Variants in AACS observed in about 807,000 individuals in gnomAD.
AACS encodes acetoacetyl-CoA synthetase.
A neutral mutation model predicts 83.1 loss-of-function variants in AACS; 69 were observed. The ratio of observed to expected loss-of-function variants is 0.83; its 90% CI spans 0.68 to 1.01. The LOEUF is 1.01. AACS is among the 50% of genes least tolerant of loss of function. The pLI is 0.00. For missense variants in AACS, 866 were observed against 882.2 expected (o/e 0.98, Z 0.23); for synonymous variants, 333 against 343.4 (o/e 0.97, Z 0.33).
intron 3 of AACS, among the ~76,000 whole-genome samples, chr12:125,085,831 T>G (rs909603240): frequency 1.3e-5 from 2 of 152,232 alleles, no homozygotes; most frequent in Non-Finnish European, 2.9e-5. Flanking sequence ...ATTTATTTAT[T>G]TTGAGACAGG....
chr12:125,103,987 C>CAAAAAAAAAAAAAAAACAAAAAAAAA (rs1956777052), intron 7 of AACS, among the ~76,000 whole-genome samples: 1 of 41,182 alleles, frequency 2.4e-5, no homozygotes, highest in East Asian at 7.8e-4. Context: ...AACTCCGTCT[C>CAAAAAAAAAAAAAAAACAAAAAAAAA]AAAAAAAAAA....
rs976834426 is a variant in AACS, at chr12:125,129,041, C to T, written c.1424-294C>T. 7.9e-6 allele frequency: 2 copies of T among 252,394 alleles called. No individual in the cohort carries two copies. The highest frequency in any genetic ancestry group is 1.5e-5 in the Non-Finnish European group (2 of 131,984). 15.6% of individuals were successfully genotyped at this position (252,394 alleles called of 1,614,324 possible). A position where few individuals can be genotyped will look rare whatever the true frequency, so the allele number is the denominator to read the frequency against. On this transcript the variant is annotated intron_variant, in intron 13 of 17. Transcript: ENST00000316519. The surrounding 1 kb of genome is among the most constrained non-coding windows in gnomAD (Gnocchi z 4.3). ...ATGTGTTCAAAGGCATGCAGAGTGACGACATATGCTATTCAAGGATGCGTG... is the reference window on the plus strand; with the variant it reads ...ATGTGTTCAAAGGCATGCAGAGTGATGACATATGCTATTCAAGGATGCGTG...
Position 125,065,435 on chromosome 12 carries a change from A to G in AACS, c.-150A>G, listed in dbSNP as rs889430054. 4 of 761,126 alleles carry G rather than the reference A, an allele frequency of 5.3e-6. No homozygotes were observed. The highest frequency in any genetic ancestry group is 5.5e-6 in the Non-Finnish European group (3 of 541,338). The allele number at this position is 761,126 out of a possible 1,614,324, so 47.1% of individuals were successfully genotyped here. On this transcript the variant is annotated 5_prime_UTR_variant, in exon 1 of 18. Transcript: ENST00000316519. Reference sequence around the variant, plus strand: ...CCGCAGGAGGCGGCGGCGGCCGTTCAGTCCCTTGTTCCCCGCCGCCGCCGT... The same window carrying G: ...CCGCAGGAGGCGGCGGCGGCCGTTCGGTCCCTTGTTCCCCGCCGCCGCCGT...
rs958143936 is a variant in AACS, at chr12:125,065,474, C to T, written c.-111C>T. The T allele has an allele frequency of 8.2e-7, 1 of 1,214,746 alleles. No homozygotes were observed. The allele number at this position is 1,214,746 out of a possible 1,614,324, so 75.2% of individuals were successfully genotyped here. A position where few individuals can be genotyped will look rare whatever the true frequency, so the allele number is the denominator to read the frequency against. ...CGCCGCCGCCGTCGCTGACCCAGCC[C>T]GCCAGGCGCTCCTGACCGTCGCTTC... On this transcript the variant is annotated 5_prime_UTR_variant, in exon 1 of 18. Transcript: ENST00000316519.
At chr12:125,103,464 T>C (rs926842656) in intron 7 of AACS, among the ~76,000 whole-genome samples, 89 of 142,362 alleles carry the variant, frequency 6.3e-4, no homozygotes, top group African/African-American at 2.3e-3. Flanking sequence ...AAGGCACACA[T>C]ATCTACACGT....
chr12:125,084,871 C>T (rs1338376118), intron 3 of AACS, among the ~76,000 whole-genome samples: 29 of 152,192 alleles, frequency 1.9e-4, no homozygotes, highest in Non-Finnish European at 5.9e-5. Context: ...CATGAGCCAC[C>T]CTGCCTAGCC....
At chr12:125,086,818 A>G (rs118104778) in intron 4 of AACS, among the ~76,000 whole-genome samples, 22,059 of 150,680 alleles carry the variant, frequency 0.15, 1,648 homozygotes, top group South Asian at 0.19. Context: ...GGCCCATTCA[A>G]TATGGGCTTG....
intron 1 of AACS, among the ~76,000 whole-genome samples, chr12:125,066,701 G>A (rs1429241325): frequency 6.6e-6 from 1 of 151,978 alleles, no homozygotes; most frequent in Non-Finnish European, 1.5e-5. Flanking sequence ...CGATCGCCTT[G>A]GCCTCCCAAA....
At chr12:125,079,475 A>G (rs569715294) in intron 3 of AACS, among the ~76,000 whole-genome samples, 24 of 152,122 alleles carry the variant, frequency 1.6e-4, no homozygotes, top group African/African-American at 5.1e-4. Flanking sequence ...TCGACTTCCC[A>G]GGCTCAAGCG....
At chr12:125,110,945 T>C (rs1347468403) in intron 8 of AACS, among the ~76,000 whole-genome samples, 2 of 152,156 alleles carry the variant, frequency 1.3e-5, no homozygotes, top group African/African-American at 4.8e-5. Context: ...TAGATCTAGA[T>C]TCACTGAAGG....
At chr12:125,066,455 T>TTC (rs1476329574) in intron 1 of AACS, among the ~76,000 whole-genome samples, 1 of 146,744 alleles carries the variant, frequency 6.8e-6, no homozygotes, top group Non-Finnish European at 1.5e-5. Flanking sequence ...AGGGGATTTT[T>TTC]TTTTTTTTTT....
intron 14 of AACS, among the ~76,000 whole-genome samples, chr12:125,132,241 G>A (rs1299111394): frequency 7.1e-6 from 1 of 141,282 alleles, no homozygotes; most frequent in African/African-American, 3.2e-5. Context: ...AAAGTGTGTC[G>A]GGGAAGTTTT....
At position 125,113,741 on chromosome 12, in the gene AACS, C is replaced by T. The variant is rs528940434; in HGVS notation, c.916-736C>T. Reference sequence around the variant, plus strand: ...TATGTGCCGGCATCAGCAAGAAAGACGTTCACAGGAAACTGCTAGGACCGG... The same window carrying T: ...TATGTGCCGGCATCAGCAAGAAAGATGTTCACAGGAAACTGCTAGGACCGG... On this transcript the variant is annotated intron_variant, in intron 8 of 17. Transcript: ENST00000316519. The surrounding 1 kb of genome is among the most constrained non-coding windows in gnomAD (Gnocchi z 4.8). Among the ~76,000 whole-genome samples, 2 of 152,334 alleles carry T rather than the reference C, an allele frequency of 1.3e-5. No individual in the cohort carries two copies. The highest frequency in any genetic ancestry group is 6.5e-5 in the Admixed American group (1 of 15,298).
intron 2 of AACS, among the ~76,000 whole-genome samples, 198 bp from the exon 3 acceptor site, chr12:125,076,293 C>T (rs1956018889): frequency 6.6e-6 from 1 of 152,136 alleles, no homozygotes; most frequent in Non-Finnish European, 1.5e-5. Context: ...GGCATTAATC[C>T]CTACTTTCAG....
In AACS at chr12:125,097,488, T is replaced by C. The variant is rs909868338; in HGVS notation, c.571-5191T>C. 6.0e-5 allele frequency among the ~76,000 whole-genome samples: 9 copies of C among 150,400 alleles called. No homozygotes were observed. Among genetic ancestry groups the C allele is most frequent in the Admixed American group, 4.0e-4 (6 of 15,154 alleles). Reference sequence around the variant, plus strand: ...AGCTCCAAGGGCGTCTCTGTAATAATGTCACAGTCATTCCCTTGTCCCCCA... The same window carrying C: ...AGCTCCAAGGGCGTCTCTGTAATAACGTCACAGTCATTCCCTTGTCCCCCA... On this transcript the variant is annotated intron_variant, in intron 5 of 17. Coordinates refer to ENST00000316519, the MANE Select transcript of AACS (RefSeq NM_023928.5). The surrounding 1 kb of genome is among the most constrained non-coding windows in gnomAD (Gnocchi z 4.3).
chr12:125,083,707 G>A (rs1027217784), intron 3 of AACS, among the ~76,000 whole-genome samples: 1 of 152,148 alleles, frequency 6.6e-6, no homozygotes, highest in African/African-American at 2.4e-5. Flanking sequence ...AGGCTGGAGT[G>A]CAGTAGCACC....
chr12:125,114,232 A>C (rs1445722991), intron 8 of AACS, among the ~76,000 whole-genome samples: 1 of 151,440 alleles, frequency 6.6e-6, no homozygotes, highest in Non-Finnish European at 1.5e-5. Context: ...GGCAGACAGG[A>C]GTGTCAGGGT....
chr12:125,114,185 G>T (rs574675134), intron 8 of AACS, among the ~76,000 whole-genome samples: 91 of 152,210 alleles, frequency 6.0e-4, no homozygotes, highest in African/African-American at 1.9e-3. Flanking sequence ...GTGGGCCTCC[G>T]TGGTGCCCTT....
chr12:125,072,615 G>C (rs1363833384), intron 1 of AACS, among the ~76,000 whole-genome samples: 1 of 152,204 alleles, frequency 6.6e-6, no homozygotes, highest in Non-Finnish European at 1.5e-5. Context: ...CTTGGTCCCC[G>C]ATAGGATAAA....
Sources: gnomAD v4.1 joint callset for allele counts (sites outside exome capture counted in the v4.1 genomes callset) on GRCh38, gnomAD v4.1.1 for gene constraint, Gnocchi (gnomAD v3.1) non-coding constraint, MANE v1.5 for transcripts, NCBI Gene and HGNC (gene_info 2026-07-23, HGNC 2026-07-21) for gene names.